The following CCSER1 variants were observed in gnomAD, a reference collection of about 807,000 sequenced individuals.
CCSER1 encodes coiled-coil serine rich protein 1, also known as serine-rich coiled-coil domain-containing protein 1.
Under a neutral mutation model 82.0 loss-of-function variants are expected in CCSER1, and 41 were observed. That is an observed-to-expected ratio of 0.50 (90% confidence interval 0.39 to 0.65). The LOEUF (loss-of-function observed/expected upper bound fraction) is 0.65, where lower values mean the gene tolerates loss of function less well. Ranked by LOEUF, CCSER1 falls within the 30% of genes least tolerant of loss-of-function variation. The pLI, the probability that CCSER1 is intolerant of heterozygous loss-of-function variation, is 0.00. For missense variants in CCSER1, 1,119 were observed against 1,064.2 expected, an observed-to-expected ratio of 1.05 and a Z score of -0.72; for synonymous variants, 414 against 383.9, an observed-to-expected ratio of 1.08 and a Z score of -0.92.
rs529818709 is a variant in CCSER1 at position 91,191,096 on chromosome 4, T to G, written c.2217+105102T>G. Among the ~76,000 whole-genome samples, 10 of 152,326 alleles carry G rather than the reference T, an allele frequency of 6.6e-5. 1 individual carries two copies. In the South Asian group the frequency reaches 2.1e-3, roughly 32 times the overall value. ...TTAATAGTATTGTTTGATGAATAAA[T>G]GTAAAACTATAGGTAAATGCCAAGC... On this transcript the variant is annotated intron_variant, in intron 10 of 10. Transcript: ENST00000509176.
At chr4:90,362,119 G>A (rs1237940120) in intron 3 of CCSER1, among the ~76,000 whole-genome samples, 1 of 152,076 alleles carries the variant, frequency 6.6e-6, no homozygotes, top group Non-Finnish European at 1.5e-5. Flanking sequence ...TGACACTCTG[G>A]TTATTATTGT....
intron 5 of CCSER1, among the ~76,000 whole-genome samples, chr4:90,616,802 C>A (rs541908931): frequency 6.6e-6 from 1 of 150,900 alleles, no homozygotes; most frequent in Non-Finnish European, 1.5e-5. Context: ...AATAAAAGAG[C>A]TTATAGGAAT....
At chr4:90,797,579 G>A (rs1463807652) in intron 7 of CCSER1, among the ~76,000 whole-genome samples, 1 of 152,072 alleles carries the variant, frequency 6.6e-6, no homozygotes. Flanking sequence ...TCACTGATCT[G>A]TAATTTAGTT....
intron 6 of CCSER1, among the ~76,000 whole-genome samples, chr4:90,707,329 A>G (rs1022122053): frequency 6.6e-6 from 1 of 151,908 alleles, no homozygotes; most frequent in East Asian, 1.9e-4. Flanking sequence ...TCCATTTGGA[A>G]TTTCAAACTT....
rs974825425 is a variant in CCSER1 at position 91,599,307 on chromosome 4, T to C, written c.*250T>C. ...CTTTACTATATAGGTGTATAATAAATGGGACCATCATGATCGTTTATATAG... is the reference window on the plus strand; with the variant it reads ...CTTTACTATATAGGTGTATAATAAACGGGACCATCATGATCGTTTATATAG... On this transcript the variant is annotated 3_prime_UTR_variant, in exon 11 of 11. Transcript: ENST00000509176. 4 of 381,400 alleles carry C rather than the reference T, an allele frequency of 1.0e-5. No homozygotes were observed. Among genetic ancestry groups the C allele is most frequent in the African/African-American group, 8.2e-5 (4 of 48,654 alleles). The allele number at this position is 381,400 out of a possible 1,614,324, so 23.6% of individuals were successfully genotyped here.
At chr4:91,188,289 A>C (rs1002187511) in intron 10 of CCSER1, among the ~76,000 whole-genome samples, 2 of 152,200 alleles carry the variant, frequency 1.3e-5, no homozygotes, top group Non-Finnish European at 2.9e-5. Context: ...AACATTGTCT[A>C]TAACAATACT....
intron 3 of CCSER1, among the ~76,000 whole-genome samples, chr4:90,385,139 A>T (rs559251982): frequency 1.4e-4 from 21 of 152,162 alleles, no homozygotes; most frequent in Non-Finnish European, 2.5e-4. Context: ...GTTGATGGAC[A>T]CTTAGATTCA....
intron 10 of CCSER1, among the ~76,000 whole-genome samples, chr4:91,471,910 CA>C (rs1317534668): frequency 7.0e-6 from 1 of 142,064 alleles, no homozygotes; most frequent in Admixed American, 7.6e-5. Flanking sequence ...GCAGAGCTTG[CA>C]GTGAGCTGAG....
chr4:90,346,209 T>C (rs1375967149), intron 3 of CCSER1, among the ~76,000 whole-genome samples: 1 of 152,078 alleles, frequency 6.6e-6, no homozygotes, highest in East Asian at 1.9e-4. Context: ...TATAGAAATG[T>C]CATAGCTTAA....
intron 7 of CCSER1, among the ~76,000 whole-genome samples, chr4:90,787,794 G>A (rs150898515): frequency 3.9e-5 from 6 of 152,088 alleles, no homozygotes; most frequent in South Asian, 2.1e-4. Context: ...CATTTTGACC[G>A]GCATTTTGAC....
chr4:90,750,765 A>G (rs72661895), intron 7 of CCSER1, among the ~76,000 whole-genome samples: 4,121 of 152,270 alleles, frequency 0.027, 73 homozygotes, highest in Middle Eastern at 0.044. Context: ...TCAATTTTAT[A>G]TGAATATTGG....
intron 7 of CCSER1, among the ~76,000 whole-genome samples, chr4:90,734,893 G>A (rs1397012384): frequency 6.6e-6 from 1 of 152,070 alleles, no homozygotes; most frequent in African/African-American, 2.4e-5. Flanking sequence ...TCCTTGTTTT[G>A]TTCCAAATCT....
chr4:90,198,334 T>C (rs1736987620), intron 1 of CCSER1, among the ~76,000 whole-genome samples: 1 of 152,092 alleles, frequency 6.6e-6, no homozygotes. Flanking sequence ...CTAATCAGCA[T>C]GAAAAAGATA....
intron 7 of CCSER1, among the ~76,000 whole-genome samples, chr4:90,752,047 G>T (rs893542916): frequency 6.6e-6 from 1 of 152,014 alleles, no homozygotes; most frequent in African/African-American, 2.4e-5. Context: ...TATCTAAAAG[G>T]TAGCTATATT....
chr4:90,911,207 T>G (rs1218930398), intron 8 of CCSER1: 1 of 433,430 alleles, frequency 2.3e-6, no homozygotes, highest in Non-Finnish European at 4.5e-6. Context: ...TTAGCAATTT[T>G]CTACAACAAA....
intron 9 of CCSER1, among the ~76,000 whole-genome samples, chr4:90,934,015 T>C (rs1305664807): frequency 1.3e-5 from 2 of 151,822 alleles, no homozygotes. Flanking sequence ...ATCCTACACC[T>C]AGCAATGGTA....
At chr4:90,246,290 A>G (rs1578729792) in intron 1 of CCSER1, among the ~76,000 whole-genome samples, 1 of 152,266 alleles carries the variant, frequency 6.6e-6, no homozygotes, top group Non-Finnish European at 1.5e-5. Flanking sequence ...TCGTACAGTT[A>G]AAAAGTGGCA....
chr4:91,191,627 C>G (rs1264743422), intron 10 of CCSER1, among the ~76,000 whole-genome samples: 2 of 152,084 alleles, frequency 1.3e-5, no homozygotes, highest in Admixed American at 1.3e-4. Flanking sequence ...TCCAGAGACA[C>G]AGTCGGTTCC....
chr4:90,345,505 A>G (rs1425013688), intron 3 of CCSER1, among the ~76,000 whole-genome samples: 1 of 152,098 alleles, frequency 6.6e-6, no homozygotes, highest in Non-Finnish European at 1.5e-5. Flanking sequence ...CAGGACCAAA[A>G]GGTGATAATT....
Sources: gnomAD v4.1 joint callset for allele counts (sites outside exome capture counted in the v4.1 genomes callset) on GRCh38, gnomAD v4.1.1 for gene constraint, MANE v1.5 for transcripts, NCBI Gene and HGNC (gene_info 2026-07-23, HGNC 2026-07-21) for gene names.